DSCAML1: variants seen among roughly 807,000 people sequenced by gnomAD.
DSCAML1 encodes the protein DS cell adhesion molecule like 1, also known as cell adhesion molecule DSCAML1.
A neutral mutation model predicts 200.5 loss-of-function variants in DSCAML1; 38 were observed. The ratio of observed to expected loss-of-function variants is 0.19; its 90% CI spans 0.15 to 0.25. DSCAML1 has a LOEUF of 0.25. Ranked by LOEUF, DSCAML1 falls within the 10% of genes least tolerant of loss-of-function variation. DSCAML1 has a pLI of 1.00. For synonymous variants in DSCAML1, 1,215 were observed against 1,165.0 expected, an observed-to-expected ratio of 1.04 and a Z score of -0.87; for missense variants, 2,223 against 2,858.8, an observed-to-expected ratio of 0.78 and a Z score of 5.07.
chr11:117,710,664 G>A (rs141711961), intron 3 of DSCAML1, among the ~76,000 whole-genome samples: 191 of 152,302 alleles, frequency 1.3e-3, no homozygotes, highest in African/African-American at 4.5e-3. Flanking sequence ...GCCTACCTGT[G>A]AGGTCATTAG....
intron 3 of DSCAML1, among the ~76,000 whole-genome samples, chr11:117,679,827 T>C (rs527346863): frequency 6.6e-6 from 1 of 152,352 alleles, no homozygotes; most frequent in South Asian, 2.1e-4. Flanking sequence ...ATGTACATCA[T>C]GTGCCCACCA....
At chr11:117,809,919 A>G (rs1238090683) in intron 1 of DSCAML1, among the ~76,000 whole-genome samples, 1 of 151,386 alleles carries the variant, frequency 6.6e-6, no homozygotes, top group Non-Finnish European at 1.5e-5. Context: ...ACACATTCAC[A>G]CATTCACACA....
intron 3 of DSCAML1, among the ~76,000 whole-genome samples, chr11:117,663,058 G>A (rs17121050): frequency 0.025 from 3,791 of 152,256 alleles, 55 homozygotes; most frequent in African/African-American, 0.035. Context: ...GACTCCATCC[G>A]ATGCTGGCTG....
intron 3 of DSCAML1, among the ~76,000 whole-genome samples, chr11:117,659,206 T>C (rs1026205973): frequency 6.6e-6 from 1 of 152,196 alleles, no homozygotes; most frequent in African/African-American, 2.4e-5. Context: ...CTTAATTTAT[T>C]TTCCCCTTGC....
chr11:117,635,851 T>C (rs963101044), intron 3 of DSCAML1, among the ~76,000 whole-genome samples: 2 of 152,096 alleles, frequency 1.3e-5, no homozygotes, highest in Non-Finnish European at 2.9e-5. Flanking sequence ...AAAATCAGGT[T>C]ACAATCGTGG....
intron 3 of DSCAML1, among the ~76,000 whole-genome samples, chr11:117,564,745 T>TTC (rs5795094): frequency 0.28 from 42,106 of 148,034 alleles, 6,237 homozygotes; most frequent in Admixed American, 0.34. Context: ...CTTCTCTTTC[T>TTC]TCTCTCTCTC....
At chr11:117,654,519 G>A (rs1374166114) in intron 3 of DSCAML1, among the ~76,000 whole-genome samples, 1 of 152,122 alleles carries the variant, frequency 6.6e-6, no homozygotes, top group East Asian at 1.9e-4. Flanking sequence ...CATGAGATAG[G>A]GCACAAATAA....
At position 117,438,060 on chromosome 11, in the gene DSCAML1, C is replaced by G. The variant is rs757943733; in HGVS notation, c.4267G>C (p.Asp1423His). Residue 1423 changes from aspartate (D) to histidine (H), a missense_variant, in exon 25 of 33, where the codon GAC becomes CAC. Transcript: ENST00000651296. ...IRGFVLQYSV[D>H]NSEEWKDVFI... ...ACATCCTTCCACTCCTCGCTGTTGT[C>G]CACCGAGTACTGTAGCACGAAGCCT... 2 of 1,613,648 alleles carry G rather than the reference C, an allele frequency of 1.2e-6. No homozygotes were observed.
intron 3 of DSCAML1, among the ~76,000 whole-genome samples, chr11:117,702,899 T>C (rs1322439279): frequency 6.6e-6 from 1 of 152,236 alleles, no homozygotes; most frequent in Non-Finnish European, 1.5e-5. Flanking sequence ...TAAAGGATTC[T>C]TGTGGCTGAA....
intron 8 of DSCAML1, among the ~76,000 whole-genome samples, chr11:117,512,012 C>A (rs1488734895): frequency 1.3e-5 from 2 of 152,244 alleles, no homozygotes; most frequent in South Asian, 2.1e-4. Context: ...GACAAGCAGT[C>A]CCAGAAGGAA....
In DSCAML1 at chr11:117,750,973, C is replaced by CA. The variant is rs1300231917; in HGVS notation, c.511+25817dup. 1.3e-5 allele frequency among the ~76,000 whole-genome samples: 2 copies of CA among 152,156 alleles called. 1 individual carries two copies. Among genetic ancestry groups the CA allele is most frequent in the Non-Finnish European group, 2.9e-5 (2 of 68,034 alleles). ...GTCTGAGCTGTCTCCATCTTGCCCC[C>CA]AGGTCACAGTCTTCCCAGGCTCCTT... On this transcript the variant is annotated intron_variant, in intron 3 of 32. Transcript: ENST00000651296.
intron 3 of DSCAML1, among the ~76,000 whole-genome samples, chr11:117,721,399 C>T (rs1221642577): frequency 1.3e-5 from 2 of 152,116 alleles, no homozygotes; most frequent in African/African-American, 4.8e-5. Flanking sequence ...AATAGTCACC[C>T]CCTCCCCCAA....
chr11:117,778,547 T>C (rs2134049044), intron 2 of DSCAML1, among the ~76,000 whole-genome samples: 1 of 152,358 alleles, frequency 6.6e-6, no homozygotes, highest in African/African-American at 2.4e-5. Flanking sequence ...GAGCAGCGTA[T>C]AAAAGGCCCA....
intron 3 of DSCAML1, among the ~76,000 whole-genome samples, chr11:117,741,644 C>A (rs1421908102): frequency 7.2e-5 from 11 of 152,178 alleles, no homozygotes; most frequent in Non-Finnish European, 2.9e-5. Context: ...AAGGTGGAAC[C>A]ACCAATGCTC....
intron 3 of DSCAML1, among the ~76,000 whole-genome samples, chr11:117,631,186 CAAG>C (rs1052308989): frequency 1.3e-5 from 2 of 152,198 alleles, no homozygotes; most frequent in Non-Finnish European, 2.9e-5. Flanking sequence ...CCTGAGGACA[CAAG>C]AGTCTGGGGG....
intron 3 of DSCAML1, among the ~76,000 whole-genome samples, chr11:117,649,182 A>C (rs1167591932): frequency 6.6e-6 from 1 of 151,670 alleles, no homozygotes; most frequent in East Asian, 1.9e-4. Context: ...GGTTAAAGCA[A>C]GCCTCCTGCC....
At chr11:117,697,114 C>T (rs2053598533) in intron 3 of DSCAML1, among the ~76,000 whole-genome samples, 1 of 152,278 alleles carries the variant, frequency 6.6e-6, no homozygotes, top group Middle Eastern at 3.4e-3. Flanking sequence ...GGAACCATGG[C>T]TCAGAGGGGT....
chr11:117,431,145 A>C, intron 31 of DSCAML1, 112 bp from the exon 32 acceptor site: 4 of 1,076,926 alleles, frequency 3.7e-6, no homozygotes, highest in Non-Finnish European at 5.3e-6. Context: ...CTGGCCATGG[A>C]GGGCACCAGG....
intron 1 of DSCAML1, among the ~76,000 whole-genome samples, chr11:117,812,319 T>A (rs2055768140): frequency 6.6e-6 from 1 of 152,212 alleles, no homozygotes; most frequent in Non-Finnish European, 1.5e-5. Context: ...TGCTACAGCA[T>A]GGCCTTTTAA....
Sources: allele counts gnomAD v4.1 joint callset (sites outside exome capture counted in the v4.1 genomes callset), GRCh38; gene constraint gnomAD v4.1.1; transcripts MANE v1.5; gene names NCBI Gene and HGNC (gene_info 2026-07-23, HGNC 2026-07-21).